Variants in MYO1D observed in about 807,000 individuals in gnomAD.
MYO1D encodes the protein myosin ID.
MYO1D carries 83 observed loss-of-function variants against 122.0 expected under a neutral mutation model. The ratio of observed to expected loss-of-function variants is 0.68; its 90% confidence interval spans 0.57 to 0.82. The LOEUF (loss-of-function observed/expected upper bound fraction) is 0.82. Among genes scored for constraint, MYO1D ranks in the 40% least tolerant of loss-of-function variants. The probability of loss-of-function intolerance (pLI) is 0.00; values close to 1 mark genes in which losing one functional copy is unlikely to be tolerated. For missense variants in MYO1D, 1,157 were observed against 1,269.5 expected (o/e 0.91, Z 1.35); for synonymous variants, 464 against 446.9 (o/e 1.04, Z -0.48).
At chr17:32,797,877 C>T (rs1267008548) in intron 1 of MYO1D, among the ~76,000 whole-genome samples, 2 of 152,174 alleles carry the variant, frequency 1.3e-5, no homozygotes, top group Non-Finnish European at 2.9e-5. Flanking sequence ...CAACTCTGTG[C>T]CTAGAATTAT....
chr17:32,876,242 T>A (rs1462118867), intron 1 of MYO1D, among the ~76,000 whole-genome samples: 2 of 150,712 alleles, frequency 1.3e-5, no homozygotes, highest in Admixed American at 1.3e-4. Flanking sequence ...CTCCATAGCA[T>A]CCTGAATGAC....
chr17:32,764,859 G>A lies in MYO1D; in HGVS notation c.1035+19C>T. Reference sequence around the variant, plus strand: ...ACTGCGATCAACACCAGGTGACATAGGGTCAGTTACACTCTCACCTTGGCA... The same window carrying A: ...ACTGCGATCAACACCAGGTGACATAAGGTCAGTTACACTCTCACCTTGGCA... On this transcript the variant is annotated intron_variant, in intron 8 of 21. Transcript: ENST00000318217. 1 of 1,612,846 alleles carries A rather than the reference G, an allele frequency of 6.2e-7. No homozygotes were observed. The highest frequency in any genetic ancestry group is 8.5e-7 in the Non-Finnish European group (1 of 1,179,336).
At chr17:32,822,312 G>A (rs1208563735) in intron 1 of MYO1D, among the ~76,000 whole-genome samples, 2 of 150,314 alleles carry the variant, frequency 1.3e-5, no homozygotes, top group Non-Finnish European at 3.0e-5. Flanking sequence ...CTCATAGGTG[G>A]GAATTGAACA....
chr17:32,541,602 TTAGA>T (rs1368467999), intron 21 of MYO1D, among the ~76,000 whole-genome samples: 1 of 152,226 alleles, frequency 6.6e-6, no homozygotes, highest in Non-Finnish European at 1.5e-5. Context: ...ATAAAGCTCT[TTAGA>T]TAGTTAGCTA....
chr17:32,810,752 C>T (rs1270190451), intron 1 of MYO1D, among the ~76,000 whole-genome samples: 1 of 152,214 alleles, frequency 6.6e-6, no homozygotes, highest in African/African-American at 2.4e-5. Flanking sequence ...GCTGGGATTA[C>T]AGGCGTGAGA....
At chr17:32,804,741 T>C (rs2090494852) in intron 1 of MYO1D, among the ~76,000 whole-genome samples, 1 of 152,206 alleles carries the variant, frequency 6.6e-6, no homozygotes, top group South Asian at 2.1e-4. Context: ...CTGCAAACTG[T>C]CTGTTGCTTG....
intron 1 of MYO1D, among the ~76,000 whole-genome samples, chr17:32,814,304 A>G (rs2090596186): frequency 1.3e-5 from 2 of 152,212 alleles, no homozygotes; most frequent in East Asian, 1.9e-4. Context: ...AGATCCCACA[A>G]CTGCACTCCA....
intron 20 of MYO1D, among the ~76,000 whole-genome samples, chr17:32,632,096 C>A (rs2088015038): frequency 6.6e-6 from 1 of 152,146 alleles, no homozygotes; most frequent in Admixed American, 6.5e-5. Flanking sequence ...AATTATAGCT[C>A]CTTATAAGTG....
intron 20 of MYO1D, among the ~76,000 whole-genome samples, chr17:32,613,979 T>C (rs913435709): frequency 3.3e-5 from 5 of 151,794 alleles, no homozygotes; most frequent in Admixed American, 3.3e-4. Flanking sequence ...TTTTACAGTA[T>C]ACCATGGTAT....
chr17:32,822,480 G>GGGCGCGC lies in MYO1D; in HGVS notation c.96-41703_96-41697dup, dbSNP rs1213862964. Reference sequence around the variant, plus strand: ...ACCACGGGCAGTGGTGGGGGGCGGGGGGCGCGCGTCCCCGGTCGGCGCGCC... The same window carrying GGGCGCGC: ...ACCACGGGCAGTGGTGGGGGGCGGGGGGCGCGCGGCGCGCGTCCCCGGTCGGCGCGCC... On this transcript the variant is annotated intron_variant, in intron 1 of 21. Transcript: ENST00000318217. Among the ~76,000 whole-genome samples, 12 of 148,520 alleles carry GGGCGCGC rather than the reference G, an allele frequency of 8.1e-5. No individual in the cohort carries two copies. The East Asian group carries it at 2.1e-3, about 26-fold the overall frequency.
intron 1 of MYO1D, among the ~76,000 whole-genome samples, chr17:32,862,289 G>A (rs377146423): frequency 1.8e-4 from 27 of 152,128 alleles, no homozygotes; most frequent in African/African-American, 6.3e-4. Context: ...TACTGGTTTA[G>A]TATATTCCCC....
At chr17:32,750,789 C>T (rs571724341) in intron 11 of MYO1D, among the ~76,000 whole-genome samples, 5 of 152,188 alleles carry the variant, frequency 3.3e-5, no homozygotes, top group Non-Finnish European at 5.9e-5. Flanking sequence ...CTTGCCTCTA[C>T]CATCTACTCA....
At chr17:32,679,422 G>C (rs1255660524) in intron 16 of MYO1D, among the ~76,000 whole-genome samples, 2 of 152,008 alleles carry the variant, frequency 1.3e-5, no homozygotes, top group South Asian at 4.2e-4. Flanking sequence ...AATCCATCTT[G>C]AACTGATTTT....
intron 1 of MYO1D, chr17:32,862,959 A>G (rs182280948): frequency 1.3e-5 from 2 of 152,338 alleles, no homozygotes; most frequent in East Asian, 3.9e-4. Context: ...AGTCCGGGGA[A>G]TCTGCGTATT....
intron 1 of MYO1D, among the ~76,000 whole-genome samples, chr17:32,824,314 C>A (rs564135787): frequency 1.3e-5 from 2 of 152,320 alleles, no homozygotes; most frequent in East Asian, 3.9e-4. Flanking sequence ...AGCAACTGCA[C>A]TCAATAGACT....
At chr17:32,681,256 T>C (rs2088912874) in intron 16 of MYO1D, among the ~76,000 whole-genome samples, 1 of 151,304 alleles carries the variant, frequency 6.6e-6, no homozygotes, top group Non-Finnish European at 1.5e-5. Context: ...TTTCCTTCAG[T>C]TCTGCTCTGA....
In MYO1D at chr17:32,865,449, T is replaced by C. The variant is rs1000812313; in HGVS notation, c.95+11329A>G. Among the ~76,000 whole-genome samples the C allele has an allele frequency of 2.2e-4, 34 of 152,202 alleles. 1 individual carries two copies. Among genetic ancestry groups the C allele is most frequent in the Non-Finnish European group, 7.3e-5 (5 of 68,046 alleles). On this transcript the variant is annotated intron_variant, in intron 1 of 21. Coordinates refer to ENST00000318217, the MANE Select transcript of MYO1D (RefSeq NM_015194.3). The stretch of plus-strand genomic sequence containing the variant: ...ATACAGTAAGTGGTAATGGGTTTTT[T>C]CCCAAGACTTAACAATATAACTGTG...
At chr17:32,865,387 T>C (rs530508733) in intron 1 of MYO1D, among the ~76,000 whole-genome samples, 42 of 152,308 alleles carry the variant, frequency 2.8e-4, no homozygotes, top group African/African-American at 9.9e-4. Context: ...TTTTGACAAA[T>C]TCATTTGCTT....
chr17:32,758,423 G>A (rs1359479387), intron 10 of MYO1D, among the ~76,000 whole-genome samples: 1 of 152,092 alleles, frequency 6.6e-6, no homozygotes, highest in Non-Finnish European at 1.5e-5. Flanking sequence ...ATGATATTAA[G>A]GAATTTTTGT....
Sources: allele counts gnomAD v4.1 joint callset (sites outside exome capture counted in the v4.1 genomes callset), GRCh38; gene constraint gnomAD v4.1.1; transcripts MANE v1.5; gene names NCBI Gene and HGNC (gene_info 2026-07-23, HGNC 2026-07-21).